The following GRM8 variants were observed in gnomAD, a reference collection of about 807,000 sequenced individuals.
GRM8 encodes the protein glutamate metabotropic receptor 8, also known as metabotropic glutamate receptor 8.
In GRM8, 47 loss-of-function variants were observed where a neutral mutation model predicts 87.2. The ratio of observed to expected loss-of-function variants is 0.54; its 90% CI spans 0.43 to 0.69. The LOEUF (loss-of-function observed/expected upper bound fraction) is 0.69, where lower values mean the gene tolerates loss of function less well. Among genes scored for constraint, GRM8 ranks in the 30% least tolerant of loss-of-function variants. The pLI is 0.00. For missense variants in GRM8, 1,019 were observed against 1,139.2 expected, an observed-to-expected ratio of 0.89 and a Z score of 1.52; for synonymous variants, 396 against 404.5, an observed-to-expected ratio of 0.98 and a Z score of 0.25.
intron 2 of GRM8, among the ~76,000 whole-genome samples, chr7:127,220,655 T>TA (rs34167626): frequency 2.8e-3 from 421 of 148,054 alleles, no homozygotes; most frequent in African/African-American, 9.1e-3. Context: ...CAGCTAATTT[T>TA]AAAAAAAAAA....
chr7:126,510,696 T>C (rs1811227461), intron 9 of GRM8, among the ~76,000 whole-genome samples: 1 of 9,878 alleles, frequency 1.0e-4, no homozygotes, highest in Admixed American at 7.6e-4. Context: ...TTCTAGTTAC[T>C]GGAGGCATTT....
chr7:126,493,901 G>A (rs1478726403), intron 9 of GRM8, among the ~76,000 whole-genome samples: 2 of 152,004 alleles, frequency 1.3e-5, no homozygotes, highest in African/African-American at 4.8e-5. Context: ...GCCCTGCCAA[G>A]TTTATGTTTT....
At chr7:126,655,515 C>T (rs1416702940) in intron 7 of GRM8, among the ~76,000 whole-genome samples, 1 of 152,066 alleles carries the variant, frequency 6.6e-6, no homozygotes. Context: ...CTCTCTCAGT[C>T]TCAGTATCTT....
At chr7:126,714,948 A>G (rs1279910908) in intron 7 of GRM8, among the ~76,000 whole-genome samples, 1 of 152,220 alleles carries the variant, frequency 6.6e-6, no homozygotes, top group Non-Finnish European at 1.5e-5. Flanking sequence ...TATCGATATC[A>G]TAAGTGTATG....
intron 6 of GRM8, among the ~76,000 whole-genome samples, chr7:126,772,826 A>G (rs1355197778): frequency 6.6e-6 from 1 of 152,134 alleles, no homozygotes; most frequent in African/African-American, 2.4e-5. Context: ...TGACAAGGGT[A>G]GAAGCCAGAA....
At chr7:126,965,432 T>C (rs2131720075) in intron 3 of GRM8, among the ~76,000 whole-genome samples, 1 of 152,328 alleles carries the variant, frequency 6.6e-6, no homozygotes, top group East Asian at 1.9e-4. Flanking sequence ...ATTAAAAATA[T>C]ATCTAGACTA....
intron 3 of GRM8, among the ~76,000 whole-genome samples, chr7:127,015,071 GA>G (rs1335264543): frequency 4.8e-5 from 4 of 83,070 alleles, no homozygotes; most frequent in Non-Finnish European, 8.9e-5. Flanking sequence ...GAAGAAGAAA[GA>G]AAGAAGGAGA....
intron 3 of GRM8, among the ~76,000 whole-genome samples, chr7:126,996,981 C>T (rs535935919): frequency 6.6e-6 from 1 of 152,036 alleles, no homozygotes; most frequent in African/African-American, 2.4e-5. Context: ...CCAATGGCTA[C>T]AGAATAAAAA....
intron 3 of GRM8, among the ~76,000 whole-genome samples, chr7:127,071,209 GAAAA>G (rs367590299): frequency 6.6e-6 from 1 of 151,662 alleles, no homozygotes; most frequent in Non-Finnish European, 1.5e-5. Context: ...CGTGGCTGGG[GAAAA>G]AAAATACCTA....
At chr7:127,030,410 C>T (rs1297088200) in intron 3 of GRM8, among the ~76,000 whole-genome samples, 1 of 152,072 alleles carries the variant, frequency 6.6e-6, no homozygotes, top group Non-Finnish European at 1.5e-5. Context: ...TTCCAGGGGC[C>T]AGTAGCACCT....
intron 3 of GRM8, among the ~76,000 whole-genome samples, chr7:126,929,551 A>G (rs2131425069): frequency 6.6e-6 from 1 of 152,154 alleles, no homozygotes; most frequent in Non-Finnish European, 1.5e-5. Flanking sequence ...CTCCTGCCTC[A>G]GCCTCCTGCA....
chr7:127,052,350 A>C (rs1819576840), intron 3 of GRM8, among the ~76,000 whole-genome samples: 1 of 152,176 alleles, frequency 6.6e-6, no homozygotes, highest in East Asian at 1.9e-4. Flanking sequence ...CATAGGCAAC[A>C]ACCTTCTCAG....
intron 7 of GRM8, among the ~76,000 whole-genome samples, chr7:126,707,060 T>C (rs930082331): frequency 2.4e-4 from 36 of 152,100 alleles, no homozygotes; most frequent in Non-Finnish European, 5.1e-4. Flanking sequence ...TCCTAGCAAT[T>C]TGAGAGGGAA....
At chr7:126,579,499 A>G (rs1795413388) in intron 8 of GRM8, among the ~76,000 whole-genome samples, 1 of 152,222 alleles carries the variant, frequency 6.6e-6, no homozygotes, top group South Asian at 2.1e-4. Flanking sequence ...ATCAGCCTCA[A>G]CACTGGAATA....
At chr7:127,149,015 G>GC (rs2133304762) in intron 2 of GRM8, among the ~76,000 whole-genome samples, 1 of 151,982 alleles carries the variant, frequency 6.6e-6, no homozygotes, top group Non-Finnish European at 1.5e-5. Flanking sequence ...ATGGACATTG[G>GC]CCTTGATGAC....
chr7:126,934,001 G>T (rs183334837), intron 3 of GRM8, among the ~76,000 whole-genome samples: 1 of 152,244 alleles, frequency 6.6e-6, no homozygotes, highest in East Asian at 1.9e-4. Context: ...TTCCCCAGTT[G>T]CTAGGGGTAA....
At chr7:126,907,261 A>AGG (rs1563305203) in intron 3 of GRM8, among the ~76,000 whole-genome samples, 21 of 137,274 alleles carry the variant, frequency 1.5e-4, no homozygotes, top group African/African-American at 5.8e-4. Flanking sequence ...GAGTAAGAGA[A>AGG]AGGAGGAGGA....
intron 2 of GRM8, among the ~76,000 whole-genome samples, chr7:127,196,601 A>C (rs1795292615): frequency 6.6e-6 from 1 of 152,004 alleles, no homozygotes; most frequent in African/African-American, 2.4e-5. Context: ...ATAACATATT[A>C]TTCTGCACAT....
intron 9 of GRM8, among the ~76,000 whole-genome samples, chr7:126,504,182 C>T (rs1810071441): frequency 6.6e-6 from 1 of 151,994 alleles, no homozygotes; most frequent in Non-Finnish European, 1.5e-5. Context: ...TACAGACACT[C>T]TATTTTCACA....
Sources: allele counts gnomAD v4.1 joint callset (sites outside exome capture counted in the v4.1 genomes callset), GRCh38; gene constraint gnomAD v4.1.1; transcripts MANE v1.5; gene names NCBI Gene and HGNC (gene_info 2026-07-23, HGNC 2026-07-21).